The following BTAF1 variants were observed in gnomAD, a reference collection of about 807,000 sequenced individuals.
BTAF1 encodes the protein B-TFIID TATA-box binding protein associated factor 1.
BTAF1 carries 38 observed loss-of-function variants against 227.1 expected under a neutral mutation model. The observed-to-expected ratio is 0.17, with a 90% CI of 0.13 to 0.22. The LOEUF (loss-of-function observed/expected upper bound fraction) is 0.22, where lower values mean the gene tolerates loss of function less well. Ranked by LOEUF, BTAF1 falls within the 10% of genes least tolerant of loss-of-function variation. BTAF1 has a pLI of 1.00. For synonymous variants in BTAF1, 742 were observed against 751.9 expected, an observed-to-expected ratio of 0.99 and a Z score of 0.21; for missense variants, 1,598 against 2,204.0, an observed-to-expected ratio of 0.73 and a Z score of 5.51.
At chr10:91,945,369 G>C (rs745313336) in intron 4 of BTAF1, among the ~76,000 whole-genome samples, 4 of 152,068 alleles carry the variant, frequency 2.6e-5, no homozygotes, top group Non-Finnish European at 5.9e-5. Context: ...GTTAAGTACA[G>C]TCACATTGTT....
intron 2 of BTAF1, among the ~76,000 whole-genome samples, chr10:91,938,981 A>T (rs1844817396): frequency 7.8e-6 from 1 of 128,894 alleles, no homozygotes; most frequent in South Asian, 3.3e-4. Flanking sequence ...TCTGCAAAAA[A>T]AAAAAAAAGG....
At chr10:92,002,849 C>G (rs1849639793) in intron 25 of BTAF1, among the ~76,000 whole-genome samples, 1 of 151,976 alleles carries the variant, frequency 6.6e-6, no homozygotes, top group Non-Finnish European at 1.5e-5. Context: ...CTTTTTTAGT[C>G]TTTCATTTTT....
At chr10:91,964,838 G>A (rs1205218114) in intron 13 of BTAF1, among the ~76,000 whole-genome samples, 1 of 152,106 alleles carries the variant, frequency 6.6e-6, no homozygotes. Context: ...TTAGAGATAA[G>A]TGTCCTTAGA....
At chr10:92,015,154 C>A (rs1258892164) in intron 32 of BTAF1, among the ~76,000 whole-genome samples, 3 of 152,130 alleles carry the variant, frequency 2.0e-5, no homozygotes, top group Non-Finnish European at 4.4e-5. Context: ...GTGCACAGTT[C>A]TGATTTTGTA....
At chr10:91,951,311 G>C (rs1845750029) in intron 4 of BTAF1, 92 bp from the exon 5 acceptor site, 1 of 1,312,002 alleles carries the variant, frequency 7.6e-7, no homozygotes. Context: ...GGGATGCTTT[G>C]TGTATTTTTT....
intron 3 of BTAF1, 85 bp downstream of exon 3, chr10:91,940,151 C>T: frequency 5.5e-6 from 4 of 723,980 alleles, no homozygotes; most frequent in Non-Finnish European, 6.3e-6. Context: ...TTAATAATTT[C>T]AATTTTAAAG....
At chr10:91,949,874 G>A (rs957807713) in intron 4 of BTAF1, among the ~76,000 whole-genome samples, 11 of 152,192 alleles carry the variant, frequency 7.2e-5, no homozygotes, top group Middle Eastern at 3.4e-3. Context: ...AGTGGCTCAC[G>A]CTTGTAATCC....
At position 91,982,148 on chromosome 10, in the gene BTAF1, T is replaced by C. The variant is rs771843871; in HGVS notation, c.1971T>C (p.Ile657=). Residue 657 remains isoleucine, a synonymous_variant, in exon 17 of 38, where the codon ATT becomes ATC. Coordinates refer to ENST00000265990, the MANE Select transcript of BTAF1 (RefSeq NM_003972.3). ...SQNKEVLQEY[I]AGADTIMEDP... ...ATAAAGAAGTACTTCAGGAGTATAT[T>C]GCAGGTGCCGACACCATCATGGAAG... The C allele has an allele frequency of 1.2e-6, 2 of 1,613,992 alleles. No individual in the cohort carries two copies. The highest frequency in any genetic ancestry group is 1.7e-6 in the Non-Finnish European group (2 of 1,179,932).
rs543417247 is a variant in BTAF1, at chr10:91,946,599, T to G, written c.400+4031T>G. Among the ~76,000 whole-genome samples, 6 of 152,316 alleles carry G rather than the reference T, an allele frequency of 3.9e-5. No homozygotes were observed. In the South Asian group the frequency reaches 1.2e-3, roughly 32 times the overall value. On this transcript the variant is annotated intron_variant, in intron 4 of 37. Coordinates refer to ENST00000265990, the MANE Select transcript of BTAF1 (RefSeq NM_003972.3). ...TCTGATGTTTTGATTATAGCTGTAC[T>G]AATGGTGTGAAGTGATATCTCATTG...
intron 1 of BTAF1, among the ~76,000 whole-genome samples, chr10:91,931,497 GT>G (rs1844273086): frequency 6.6e-6 from 1 of 152,210 alleles, no homozygotes; most frequent in Non-Finnish European, 1.5e-5. Context: ...TGCAACAGAA[GT>G]TTTAGCCAAA....
intron 4 of BTAF1, among the ~76,000 whole-genome samples, chr10:91,948,076 G>T (rs55866453): frequency 6.6e-6 from 1 of 151,964 alleles, no homozygotes; most frequent in Non-Finnish European, 1.5e-5. Context: ...TGTCACATAT[G>T]TATACATGTG....
intron 5 of BTAF1, among the ~76,000 whole-genome samples, chr10:91,952,413 G>A (rs1845832700): frequency 6.6e-6 from 1 of 152,092 alleles, no homozygotes; most frequent in Admixed American, 6.6e-5. Context: ...TCTAGTAAAA[G>A]CTGTGGCTCT....
Position 91,966,692 on chromosome 10 carries a change from A to G in BTAF1, c.1585A>G (p.Thr529Ala). Residue 529 changes from threonine to alanine, a missense_variant, in exon 14 of 38, where the codon ACT (threonine) becomes GCT (alanine). Transcript: ENST00000265990. ...VPRVWPFLHHTISSVRRAALE... is the reference protein window; with the variant it reads ...VPRVWPFLHHAISSVRRAALE... The stretch of plus-strand genomic sequence containing the variant: ...ACGTGTCTGGCCTTTTTTGCATCAC[A>G]CTATATCATCAGTTCGAAGAGCAGC... 1 of 1,613,938 alleles carries G rather than the reference A, an allele frequency of 6.2e-7. No individual in the cohort carries two copies. The highest frequency in any genetic ancestry group is 8.5e-7 in the Non-Finnish European group (1 of 1,179,874).
chr10:91,973,884 A>C (rs1044740058), intron 14 of BTAF1, among the ~76,000 whole-genome samples: 2 of 140,368 alleles, frequency 1.4e-5, no homozygotes, highest in African/African-American at 5.3e-5. Context: ...AGCCTGGGCG[A>C]CAGAGCGAGA....
chr10:91,935,586 G>A (rs1844554341), intron 1 of BTAF1, 71 bp from the exon 2 acceptor site: 2 of 1,541,564 alleles, frequency 1.3e-6, no homozygotes, highest in South Asian at 1.2e-5. Flanking sequence ...TGCTCAGTAC[G>A]TTTATTGACT....
At position 91,992,324 on chromosome 10, in the gene BTAF1, T is replaced by G. The variant is rs1410412349; in HGVS notation, c.3045+15T>G. The G allele has an allele frequency of 6.5e-7, 1 of 1,550,284 alleles. No homozygotes were observed. The highest frequency in any genetic ancestry group is 8.7e-7 in the Non-Finnish European group (1 of 1,150,490). On this transcript the variant is annotated intron_variant, in intron 21 of 37. Transcript: ENST00000265990. ...AACTTGATGAGGTAAGTAGTTTTTTTTTTTTTTTAATGCTTTGATTTTTAA... is the reference window on the plus strand; with the variant it reads ...AACTTGATGAGGTAAGTAGTTTTTTGTTTTTTTTAATGCTTTGATTTTTAA...
chr10:91,957,651 A>G (rs1206117259), intron 8 of BTAF1, among the ~76,000 whole-genome samples: 2 of 152,242 alleles, frequency 1.3e-5, no homozygotes, highest in Non-Finnish European at 2.9e-5. Context: ...AGAAATCTTT[A>G]GAGAACATCT....
At position 92,011,431 on chromosome 10, in the gene BTAF1, TATTTTTTTTA is replaced by T; in HGVS notation, c.4311+20_4311+29del. On this transcript the variant is annotated intron_variant, in intron 30 of 37. Transcript: ENST00000265990. ...ACCAATCCAGGTAATTATTTATTAT[TATTTTTTTTA>T]ATTATTTTTATTTTTATTTTTCATG... is the stretch of plus-strand genomic sequence containing the variant. 8.6e-7 allele frequency: 1 copy of T among 1,161,118 alleles called. No individual in the cohort carries two copies. The highest frequency in any genetic ancestry group is 1.1e-6 in the Non-Finnish European group (1 of 892,250). 71.9% of individuals were successfully genotyped at this position (1,161,118 alleles called of 1,614,324 possible). A position where few individuals can be genotyped will look rare whatever the true frequency, so the allele number is the denominator to read the frequency against.
rs778568906 is a variant in BTAF1 at position 92,028,816 on chromosome 10, C to T, written c.5433C>T (p.Thr1811=). 10 of 1,605,054 alleles carry T rather than the reference C, an allele frequency of 6.2e-6. No homozygotes were observed. The highest frequency in any genetic ancestry group is 1.7e-5 in the Admixed American group (1 of 58,626). ...DKDGKAEKAD[T]STSGKASMKS... ...ATGGCAAAGCAGAAAAAGCTGACAC[C>T]TCTACTTCTGGGAAAGCAAGTATGA... The change falls in exon 38 of 38, where the codon ACC becomes ACT. Residue 1811 remains threonine (T), a synonymous_variant. Transcript: ENST00000265990.
Sources: allele counts gnomAD v4.1 joint callset (sites outside exome capture counted in the v4.1 genomes callset), GRCh38; gene constraint gnomAD v4.1.1; transcripts MANE v1.5; gene names NCBI Gene and HGNC (gene_info 2026-07-23, HGNC 2026-07-21).